SIAH2: variants seen among roughly 807,000 people sequenced by gnomAD.
SIAH2 encodes E3 ubiquitin-protein ligase SIAH2.
SIAH2 carries 4 observed loss-of-function variants against 20.4 expected under a neutral mutation model. The observed-to-expected ratio is 0.20, with a 90% confidence interval of 0.10 to 0.45. The LOEUF is 0.45. Ranked by LOEUF, SIAH2 falls within the 20% of genes least tolerant of loss-of-function variation. The pLI is 0.99. For missense variants in SIAH2, 259 were observed against 440.3 expected, an observed-to-expected ratio of 0.59 and a Z score of 3.69; for synonymous variants, 171 against 192.5, an observed-to-expected ratio of 0.89 and a Z score of 0.93.
intron 1 of SIAH2, among the ~76,000 whole-genome samples, chr3:150,747,711 C>T (rs762969889): frequency 3.3e-5 from 5 of 151,986 alleles, no homozygotes; most frequent in South Asian, 4.2e-4. Context: ...GAGGTTGAGT[C>T]GGGTGGATCA....
chr3:150,747,402 G>C (rs557353462), intron 1 of SIAH2, among the ~76,000 whole-genome samples: 4 of 152,226 alleles, frequency 2.6e-5, no homozygotes, highest in Non-Finnish European at 5.9e-5. Flanking sequence ...TCAAGGACTT[G>C]TGCGTTTAAG....
At chr3:150,746,916 G>A (rs1285152352) in intron 1 of SIAH2, among the ~76,000 whole-genome samples, 1 of 152,204 alleles carries the variant, frequency 6.6e-6, no homozygotes, top group South Asian at 2.1e-4. Flanking sequence ...TTAGACCAGG[G>A]AGTCCATTCT....
intron 1 of SIAH2, among the ~76,000 whole-genome samples, chr3:150,750,915 CTG>C (rs1714343611): frequency 6.6e-6 from 1 of 152,198 alleles, no homozygotes; most frequent in South Asian, 2.1e-4. Flanking sequence ...GTCTATAAAA[CTG>C]TCTATGACTT....
intron 1 of SIAH2, among the ~76,000 whole-genome samples, chr3:150,754,868 G>T (rs547338921): frequency 6.6e-6 from 1 of 151,882 alleles, no homozygotes; most frequent in Admixed American, 6.6e-5. Flanking sequence ...CCAATACAAG[G>T]GCCAACTTAC....
Position 150,762,128 on chromosome 3 carries a change from C to T in SIAH2, c.417+305G>A. The T allele has an allele frequency of 2.6e-6, 1 of 382,014 alleles. No individual in the cohort carries two copies. Among genetic ancestry groups the T allele is most frequent in the Non-Finnish European group, 4.7e-6 (1 of 211,030 alleles). 23.7% of individuals were successfully genotyped at this position (382,014 alleles called of 1,614,324 possible). On this transcript the variant is annotated intron_variant, in intron 1 of 1. Transcript: ENST00000312960. The surrounding 1 kb of genome is among the most constrained non-coding windows in gnomAD (Gnocchi z 6.6). ...TTTTACTGGTGCGGCCCAGCCCTAC[C>T]GAGAGTACCCGAATACACGTCTGCA...
chr3:150,762,881 G>T lies in SIAH2; in HGVS notation c.-32C>A, dbSNP rs950247355. 1.7e-6 allele frequency: 2 copies of T among 1,170,302 alleles called. No individual in the cohort carries two copies. Among genetic ancestry groups the T allele is most frequent in the Non-Finnish European group, 2.1e-6 (2 of 938,052 alleles). The allele number at this position is 1,170,302 out of a possible 1,614,324, so 72.5% of individuals were successfully genotyped here. A position where few individuals can be genotyped will look rare whatever the true frequency, so the allele number is the denominator to read the frequency against. ...CCGAACCAACCATGGAACTGCGGGC[G>T]CCTGCCTGCCGCGGGGCCGCCCGGG... is the stretch of plus-strand genomic sequence containing the variant. On this transcript the variant is annotated 5_prime_UTR_variant, in exon 1 of 2. Transcript: ENST00000312960. This position sits in a 1 kb window ranked among gnomAD's most constrained non-coding sequence, Gnocchi z 6.6.
At chr3:150,746,120 C>G (rs574103872) in intron 1 of SIAH2, among the ~76,000 whole-genome samples, 2 of 152,072 alleles carry the variant, frequency 1.3e-5, no homozygotes, top group South Asian at 4.2e-4. Context: ...GGAGGCCAGG[C>G]GCGCTGCTCA....
intron 1 of SIAH2, among the ~76,000 whole-genome samples, chr3:150,753,993 T>C (rs1714428057): frequency 6.6e-6 from 1 of 152,194 alleles, no homozygotes; most frequent in South Asian, 2.1e-4. Flanking sequence ...TAAATAACTC[T>C]GGTACTGTTA....
In SIAH2 at chr3:150,762,330, A is replaced by T. The variant is rs1039558075; in HGVS notation, c.417+103T>A. The T allele has an allele frequency of 1.6e-5, 23 of 1,463,342 alleles. No individual in the cohort carries two copies. Among genetic ancestry groups the T allele is most frequent in the Admixed American group, 2.8e-5 (1 of 35,202 alleles). The allele number at this position is 1,463,342 out of a possible 1,614,324, so 90.6% of individuals were successfully genotyped here. A position where few individuals can be genotyped will look rare whatever the true frequency, so the allele number is the denominator to read the frequency against. On this transcript the variant is annotated intron_variant, in intron 1 of 1. Transcript: ENST00000312960. The surrounding 1 kb of genome is among the most constrained non-coding windows in gnomAD (Gnocchi z 6.6). Reference sequence around the variant, plus strand: ...TAAACATTTTTTCTTTTTTTTTTTTAAATGAGAGATGCCGCCCGCCTCTCC... The same window carrying T: ...TAAACATTTTTTCTTTTTTTTTTTTTAATGAGAGATGCCGCCCGCCTCTCC...
chr3:150,745,335 AC>A (rs1714187783), intron 1 of SIAH2, among the ~76,000 whole-genome samples: 2 of 151,784 alleles, frequency 1.3e-5, no homozygotes, highest in African/African-American at 4.8e-5. Flanking sequence ...ATGTCAGAGC[AC>A]CATGGGTGTT....
Position 150,763,058 on chromosome 3 carries a change from T to A in SIAH2, c.-209A>T. On this transcript the variant is annotated 5_prime_UTR_variant, in exon 1 of 2. Transcript: ENST00000312960. The surrounding 1 kb of genome is among the most constrained non-coding windows in gnomAD (Gnocchi z 4.1). Reference sequence around the variant, plus strand: ...CAGCCCCCGGCGTTCCGAGCACGCCTCCGCGTCGGACCCCGCGCGGTGCCC... The same window carrying A: ...CAGCCCCCGGCGTTCCGAGCACGCCACCGCGTCGGACCCCGCGCGGTGCCC... The A allele has an allele frequency of 2.7e-6, 1 of 364,522 alleles. No individual in the cohort carries two copies. Among genetic ancestry groups the A allele is most frequent in the Non-Finnish European group, 3.9e-6 (1 of 253,166 alleles). 22.6% of individuals were successfully genotyped at this position (364,522 alleles called of 1,614,324 possible).
chr3:150,741,206 A>G lies in SIAH2; in HGVS notation c.*935T>C, dbSNP rs1714079101. The G allele has an allele frequency of 6.5e-6, 1 of 152,676 alleles. No homozygotes were observed. Among genetic ancestry groups the G allele is most frequent in the Non-Finnish European group, 1.5e-5 (1 of 68,046 alleles). 9.5% of individuals were successfully genotyped at this position (152,676 alleles called of 1,614,324 possible). On this transcript the variant is annotated 3_prime_UTR_variant, in exon 2 of 2. Transcript: ENST00000312960. Reference sequence around the variant, plus strand: ...CAACACACAGCTTTAAATAGCAAGCATATGACACACCGGTTATAAAGCTTT... The same window carrying G: ...CAACACACAGCTTTAAATAGCAAGCGTATGACACACCGGTTATAAAGCTTT...
At chr3:150,756,672 G>A (rs184559359) in intron 1 of SIAH2, among the ~76,000 whole-genome samples, 391 of 152,218 alleles carry the variant, frequency 2.6e-3, no homozygotes, top group African/African-American at 9.1e-3. Flanking sequence ...AAAATCTTTG[G>A]CCAGTTATGT....
chr3:150,755,348 T>C, intron 1 of SIAH2, among the ~76,000 whole-genome samples: 1 of 94,514 alleles, frequency 1.1e-5, no homozygotes, highest in South Asian at 4.4e-4. Flanking sequence ...TTTTTTTTTT[T>C]GAGACAGGGT....
At chr3:150,761,697 G>T (rs368025159) in intron 1 of SIAH2, among the ~76,000 whole-genome samples, 18 of 151,918 alleles carry the variant, frequency 1.2e-4, no homozygotes, top group African/African-American at 4.3e-4. Flanking sequence ...TTTTCGCAAG[G>T]GCATTGAAAA....
In SIAH2 at chr3:150,741,389, C is replaced by G. The variant is rs1714082904; in HGVS notation, c.*752G>C. 6.6e-6 allele frequency: 1 copy of G among 152,558 alleles called. No homozygotes were observed. Among genetic ancestry groups the G allele is most frequent in the Non-Finnish European group, 1.5e-5 (1 of 68,050 alleles). 9.5% of individuals were successfully genotyped at this position (152,558 alleles called of 1,614,324 possible). A position where few individuals can be genotyped will look rare whatever the true frequency, so the allele number is the denominator to read the frequency against. ...GACTTGCTTTCCTAGGCAATCCACCCAAAACATAGGTGAGTGGCCAAATCT... is the reference window on the plus strand; with the variant it reads ...GACTTGCTTTCCTAGGCAATCCACCGAAAACATAGGTGAGTGGCCAAATCT... On this transcript the variant is annotated 3_prime_UTR_variant, in exon 2 of 2. Transcript: ENST00000312960.
At chr3:150,751,100 G>A (rs1192910248) in intron 1 of SIAH2, among the ~76,000 whole-genome samples, 1 of 152,100 alleles carries the variant, frequency 6.6e-6, no homozygotes, top group Admixed American at 6.5e-5. Flanking sequence ...CCCTTAACTT[G>A]AATGGTAAAT....
intron 1 of SIAH2, among the ~76,000 whole-genome samples, chr3:150,753,398 AAAACC>A (rs1714412416): frequency 6.6e-6 from 1 of 152,230 alleles, no homozygotes; most frequent in Admixed American, 6.5e-5. Flanking sequence ...TGGCATTAAG[AAAACC>A]AAAAGGTAAC....
At chr3:150,757,377 C>CAA (rs1435821653) in intron 1 of SIAH2, among the ~76,000 whole-genome samples, 4 of 152,178 alleles carry the variant, frequency 2.6e-5, no homozygotes, top group Non-Finnish European at 5.9e-5. Context: ...CATCTAGTCA[C>CAA]AAGGCCATCA....
Sources: allele counts gnomAD v4.1 joint callset (sites outside exome capture counted in the v4.1 genomes callset), GRCh38; gene constraint gnomAD v4.1.1; non-coding constraint Gnocchi (gnomAD v3.1); transcripts MANE v1.5; gene names NCBI Gene and HGNC (gene_info 2026-07-23, HGNC 2026-07-21).